Variants in FAM184A observed in about 807,000 individuals in gnomAD.
FAM184A encodes family with sequence similarity 184 member A.
In FAM184A, 99 loss-of-function variants were observed where a neutral mutation model predicts 143.8. The ratio of observed to expected loss-of-function variants is 0.69; its 90% CI spans 0.58 to 0.81. The LOEUF (loss-of-function observed/expected upper bound fraction) is 0.81, where lower values mean the gene tolerates loss of function less well. FAM184A is among the 40% of genes least tolerant of loss of function. The pLI, the probability that FAM184A is intolerant of heterozygous loss-of-function variation, is 0.00. For synonymous variants in FAM184A, 427 were observed against 446.4 expected (o/e 0.96, Z 0.55); for missense variants, 1,217 against 1,310.5 (o/e 0.93, Z 1.10).
At chr6:119,099,647 A>G (rs986993769) in intron 1 of FAM184A, among the ~76,000 whole-genome samples, 1 of 152,068 alleles carries the variant, frequency 6.6e-6, no homozygotes, top group Admixed American at 6.6e-5. Context: ...TTGCCCAATC[A>G]CATTTCTCAC....
intron 1 of FAM184A, among the ~76,000 whole-genome samples, chr6:119,026,498 G>A (rs536780068): frequency 2.5e-4 from 38 of 151,440 alleles, no homozygotes; most frequent in African/African-American, 8.1e-4. Context: ...GCCCCCAACC[G>A]ATTGAACGGA....
intron 1 of FAM184A, among the ~76,000 whole-genome samples, chr6:119,122,373 A>G (rs1317504264): frequency 6.6e-6 from 1 of 152,156 alleles, no homozygotes; most frequent in African/African-American, 2.4e-5. Flanking sequence ...AATTTAGAAG[A>G]GTAGAAGAGG....
chr6:119,006,894 T>G (rs776016501), intron 6 of FAM184A, among the ~76,000 whole-genome samples: 2 of 152,134 alleles, frequency 1.3e-5, no homozygotes, highest in Non-Finnish European at 2.9e-5. Flanking sequence ...ATAAAATACC[T>G]ATAAGAAGCT....
chr6:119,004,896 G>C (rs982256801), intron 7 of FAM184A, among the ~76,000 whole-genome samples: 5 of 152,302 alleles, frequency 3.3e-5, no homozygotes, highest in African/African-American at 1.2e-4. Flanking sequence ...GGGAAAGGCA[G>C]CCAGGATAAA....
At chr6:119,044,212 G>A (rs1448932915) in intron 1 of FAM184A, among the ~76,000 whole-genome samples, 1 of 152,144 alleles carries the variant, frequency 6.6e-6, no homozygotes, top group Non-Finnish European at 1.5e-5. Flanking sequence ...CATCCAAATT[G>A]GGGAAGTAAA....
rs571810367 is a variant in FAM184A at position 119,141,389 on chromosome 6, C to T, written c.-202+7689G>A. Among the ~76,000 whole-genome samples the T allele has an allele frequency of 6.6e-5, 10 of 152,362 alleles. No homozygotes were observed. In the South Asian group the frequency reaches 2.1e-3, roughly 32 times the overall value. On this transcript the variant is annotated intron_variant, in intron 1 of 16. Transcript: ENST00000352896. Reference sequence around the variant, plus strand: ...TCGACAGTCGAGTGCAGCGTTGGCACCAACCGGAGGGGCCTGGATGCAGGG... The same window carrying T: ...TCGACAGTCGAGTGCAGCGTTGGCATCAACCGGAGGGGCCTGGATGCAGGG...
At chr6:119,039,598 C>G (rs1026529436) in intron 1 of FAM184A, among the ~76,000 whole-genome samples, 1 of 152,140 alleles carries the variant, frequency 6.6e-6, no homozygotes, top group Non-Finnish European at 1.5e-5. Context: ...GTAAATAGAT[C>G]AGTAGTTGCC....
At position 119,124,532 on chromosome 6, in the gene FAM184A, G is replaced by A. The variant is rs567073445; in HGVS notation, c.-202+24546C>T. 2.0e-5 allele frequency among the ~76,000 whole-genome samples: 3 copies of A among 152,200 alleles called. No individual in the cohort carries two copies. In the East Asian group the frequency reaches 5.8e-4, roughly 29 times the overall value. Reference sequence around the variant, plus strand: ...TAAAATTTTACCTGGGGGTGTAAAAGCCTTCTCATACTCTATTAAAAAGAC... The same window carrying A: ...TAAAATTTTACCTGGGGGTGTAAAAACCTTCTCATACTCTATTAAAAAGAC... On this transcript the variant is annotated intron_variant, in intron 1 of 16. Coordinates refer to the FAM184A transcript ENST00000352896.
At chr6:119,032,772 T>C (rs1346444748) in intron 1 of FAM184A, among the ~76,000 whole-genome samples, 1 of 152,136 alleles carries the variant, frequency 6.6e-6, no homozygotes, top group East Asian at 1.9e-4. Context: ...AAAAGAGTAA[T>C]CTCGGATTCA....
At chr6:119,006,227 C>T in intron 7 of FAM184A, 1 of 756,320 alleles carries the variant, frequency 1.3e-6, no homozygotes, top group Non-Finnish European at 2.4e-6. Flanking sequence ...AGGAACATAG[C>T]TGTGCCAACA....
At chr6:119,124,755 AT>A (rs58090778) in intron 1 of FAM184A, among the ~76,000 whole-genome samples, 129,540 of 150,604 alleles carry the variant, frequency 0.86, 55,771 homozygotes, top group East Asian at 1. Flanking sequence ...TATGGCCCTA[AT>A]TTTTTTTTTT....
chr6:118,976,067 C>A (rs1384032176), intron 11 of FAM184A, 23 bp from the exon 12 acceptor site: 1 of 1,600,248 alleles, frequency 6.2e-7, no homozygotes, highest in East Asian at 2.2e-5. Context: ...GGCAAAAATA[C>A]ATTTGGCACA....
chr6:118,969,553 G>C (rs775047729), intron 14 of FAM184A, among the ~76,000 whole-genome samples: 1 of 152,234 alleles, frequency 6.6e-6, no homozygotes, highest in East Asian at 1.9e-4. Context: ...TTCAAGCCAA[G>C]ACTAGTCAAT....
chr6:119,128,821 T>C (rs1789446460), intron 1 of FAM184A, among the ~76,000 whole-genome samples: 1 of 152,082 alleles, frequency 6.6e-6, no homozygotes, highest in Non-Finnish European at 1.5e-5. Context: ...CCTGCAAAGC[T>C]GTCTCCTGTG....
At chr6:118,968,569 T>C (rs2114547113) in intron 14 of FAM184A, among the ~76,000 whole-genome samples, 2 of 152,302 alleles carry the variant, frequency 1.3e-5, no homozygotes, top group African/African-American at 4.8e-5. Context: ...AATACTAAAC[T>C]AGTAAAAGAA....
chr6:119,064,622 C>G (rs1787376479), intron 1 of FAM184A, among the ~76,000 whole-genome samples: 1 of 152,138 alleles, frequency 6.6e-6, no homozygotes, highest in Non-Finnish European at 1.5e-5. Context: ...GGGAAGATCC[C>G]TTGAGTCCAG....
chr6:119,051,145 A>C (rs1179473811), intron 1 of FAM184A, among the ~76,000 whole-genome samples: 1 of 46,746 alleles, frequency 2.1e-5, no homozygotes, highest in Non-Finnish European at 4.1e-5. Context: ...AACCTAAAAT[A>C]AAAGTTTAAA....
intron 9 of FAM184A, among the ~76,000 whole-genome samples, chr6:118,983,049 T>C (rs1784066391): frequency 6.6e-6 from 1 of 152,212 alleles, no homozygotes; most frequent in African/African-American, 2.4e-5. Flanking sequence ...CAAACATACT[T>C]AGATATTTTG....
At chr6:119,069,051 A>C in intron 1 of FAM184A, 2 of 385,420 alleles carry the variant, frequency 5.2e-6, no homozygotes, top group South Asian at 4.0e-5. Context: ...TATGTGAAGT[A>C]TTAGGTTGGC....
Sources: allele counts gnomAD v4.1 joint callset (sites outside exome capture counted in the v4.1 genomes callset), GRCh38; gene constraint gnomAD v4.1.1; transcripts MANE v1.5; gene names NCBI Gene and HGNC (gene_info 2026-07-23, HGNC 2026-07-21).